CTTNBP2: variants seen among roughly 807,000 people sequenced by gnomAD.
The protein encoded by CTTNBP2 is cortactin-binding protein 2.
Under a neutral mutation model 156.9 loss-of-function variants are expected in CTTNBP2, and 108 were observed. The observed-to-expected ratio is 0.69, with a 90% CI of 0.59 to 0.81. The LOEUF is 0.81. CTTNBP2 is among the 30% of genes least tolerant of loss of function. CTTNBP2 has a pLI of 0.00. For missense variants in CTTNBP2, 1,924 were observed against 2,035.4 expected (o/e 0.95, Z 1.05); for synonymous variants, 767 against 751.8 (o/e 1.02, Z -0.33).
At chr7:117,769,385 G>A (rs1368993107) in intron 8 of CTTNBP2, among the ~76,000 whole-genome samples, 2 of 152,206 alleles carry the variant, frequency 1.3e-5, no homozygotes, top group East Asian at 3.8e-4. Flanking sequence ...TGGGCCTTGG[G>A]TTTCCTGAGT....
intron 1 of CTTNBP2, among the ~76,000 whole-genome samples, chr7:117,869,136 A>G (rs1011783113): frequency 1.3e-5 from 2 of 152,234 alleles, no homozygotes; most frequent in African/African-American, 4.8e-5. Context: ...TGGAAATTAA[A>G]CTTTTAAAAA....
chr7:117,764,837 C>A (rs566647615), intron 9 of CTTNBP2, among the ~76,000 whole-genome samples: 1 of 152,212 alleles, frequency 6.6e-6, no homozygotes, highest in East Asian at 1.9e-4. Context: ...AAGAGTACTT[C>A]TAGCTATGTG....
intron 2 of CTTNBP2, among the ~76,000 whole-genome samples, chr7:117,824,662 T>G (rs956446691): frequency 1.3e-5 from 2 of 152,220 alleles, no homozygotes; most frequent in Non-Finnish European, 2.9e-5. Flanking sequence ...GCTAGAAATT[T>G]GGAGCCTGGA....
chr7:117,754,731 G>A (rs905508039), intron 12 of CTTNBP2, among the ~76,000 whole-genome samples: 1 of 152,134 alleles, frequency 6.6e-6, no homozygotes, highest in East Asian at 1.9e-4. Flanking sequence ...AGTCTTTTAT[G>A]TACACTCACT....
At chr7:117,819,904 G>A (rs937987555) in intron 2 of CTTNBP2, among the ~76,000 whole-genome samples, 4 of 152,176 alleles carry the variant, frequency 2.6e-5, no homozygotes, top group Non-Finnish European at 5.9e-5. Flanking sequence ...CTAAAATCTG[G>A]AAGGCATACT....
chr7:117,747,065 G>A (rs929002529), intron 12 of CTTNBP2, among the ~76,000 whole-genome samples: 1 of 152,202 alleles, frequency 6.6e-6, no homozygotes, highest in African/African-American at 2.4e-5. Context: ...ATGCTTGGGA[G>A]AAGCTTTCTT....
At chr7:117,865,657 C>A (rs1804127972) in intron 1 of CTTNBP2, among the ~76,000 whole-genome samples, 1 of 108,830 alleles carries the variant, frequency 9.2e-6, no homozygotes, top group Non-Finnish European at 1.7e-5. Flanking sequence ...GGTGACAGAA[C>A]AAGACTCCAT....
intron 12 of CTTNBP2, among the ~76,000 whole-genome samples, chr7:117,746,878 C>T (rs918929520): frequency 1.3e-5 from 2 of 152,116 alleles, no homozygotes; most frequent in African/African-American, 4.8e-5. Flanking sequence ...ACTTTATCCT[C>T]GTGTATAAGG....
intron 1 of CTTNBP2, among the ~76,000 whole-genome samples, chr7:117,864,864 CAATA>C (rs1287869336): frequency 7.1e-6 from 1 of 140,010 alleles, no homozygotes; most frequent in East Asian, 2.1e-4. Flanking sequence ...TATATTCATT[CAATA>C]TATATTCATA....
At position 117,735,294 on chromosome 7, in the gene CTTNBP2, A is replaced by G; in HGVS notation, c.3663T>C (p.Thr1221=). ...CTTTTTGGAAAGTGCAGGGGCTTTC[A>G]GTGCTGCGATTTTCAAGAGGTGCCA... The part of the protein sequence containing the change: ...DFLAPLENRS[T]ESPCTFQKGN... Residue 1221 remains threonine (T), a synonymous_variant, in exon 15 of 23, where the codon ACT becomes ACC. Coordinates refer to ENST00000160373, the MANE Select transcript of CTTNBP2 (RefSeq NM_033427.3). 3 of 1,614,062 alleles carry G rather than the reference A, an allele frequency of 1.9e-6. No homozygotes were observed. Among genetic ancestry groups the G allele is most frequent in the Non-Finnish European group, 2.5e-6 (3 of 1,180,014 alleles).
At chr7:117,872,509 A>G (rs1239401507) in intron 1 of CTTNBP2, among the ~76,000 whole-genome samples, 1 of 147,144 alleles carries the variant, frequency 6.8e-6, no homozygotes, top group Non-Finnish European at 1.5e-5. Context: ...CCTTCCCCAA[A>G]GTAGAGGCTG....
intron 3 of CTTNBP2, among the ~76,000 whole-genome samples, chr7:117,798,464 C>T (rs1193201731): frequency 4.6e-5 from 7 of 151,940 alleles, no homozygotes; most frequent in African/African-American, 1.5e-4. Context: ...AAAAATAAAA[C>T]AATATATTGC....
rs555081257 is a variant in CTTNBP2, at chr7:117,835,137, T to C, written c.190-24148A>G. ...ACACATGAATGGATGCTCTCAACACTAAGCCTCCCACAGGGGACGGCTGAA... is the reference window on the plus strand; with the variant it reads ...ACACATGAATGGATGCTCTCAACACCAAGCCTCCCACAGGGGACGGCTGAA... On this transcript the variant is annotated intron_variant, in intron 2 of 22. Coordinates refer to ENST00000160373, the MANE Select transcript of CTTNBP2 (RefSeq NM_033427.3). 4.6e-5 allele frequency among the ~76,000 whole-genome samples: 7 copies of C among 152,356 alleles called. No individual in the cohort carries two copies. In the South Asian group the frequency reaches 1.4e-3, roughly 32 times the overall value.
chr7:117,846,043 G>T (rs570022582), intron 2 of CTTNBP2, among the ~76,000 whole-genome samples: 1 of 89,636 alleles, frequency 1.1e-5, no homozygotes, highest in Non-Finnish European at 2.4e-5. Flanking sequence ...AGTAGAGACA[G>T]GGTTTCACAG....
chr7:117,813,348 A>G (rs1390815543), intron 2 of CTTNBP2, among the ~76,000 whole-genome samples: 1 of 152,158 alleles, frequency 6.6e-6, no homozygotes, highest in Non-Finnish European at 1.5e-5. Context: ...AAGCATTTCA[A>G]TATGGCAACA....
intron 3 of CTTNBP2, among the ~76,000 whole-genome samples, chr7:117,803,809 G>A (rs1245720136): frequency 6.6e-6 from 1 of 151,996 alleles, no homozygotes; most frequent in Non-Finnish European, 1.5e-5. Flanking sequence ...GAAGAAATGG[G>A]TACCAAATGG....
intron 2 of CTTNBP2, among the ~76,000 whole-genome samples, chr7:117,833,980 T>G (rs138829985): frequency 6.6e-6 from 1 of 152,132 alleles, no homozygotes; most frequent in Admixed American, 6.6e-5. Flanking sequence ...AATATATACA[T>G]AGACAGACAA....
chr7:117,834,695 AAC>A lies in CTTNBP2; in HGVS notation c.190-23708_190-23707del, dbSNP rs1375554674. Reference sequence around the variant, plus strand: ...CTAATACTTTTAGTATTGATAAATGAACACACTTTACTTTTTAGTGCGAGTCA... The same window carrying A: ...CTAATACTTTTAGTATTGATAAATGAACACTTTACTTTTTAGTGCGAGTCA... On this transcript the variant is annotated intron_variant, in intron 2 of 22. Coordinates refer to ENST00000160373, the MANE Select transcript of CTTNBP2 (RefSeq NM_033427.3). 2.0e-5 allele frequency among the ~76,000 whole-genome samples: 3 copies of A among 152,262 alleles called. No homozygotes were observed. In the South Asian group the frequency reaches 6.2e-4, roughly 31 times the overall value.
At chr7:117,841,148 T>C (rs1802249856) in intron 2 of CTTNBP2, among the ~76,000 whole-genome samples, 1 of 152,242 alleles carries the variant, frequency 6.6e-6, no homozygotes, top group Non-Finnish European at 1.5e-5. Flanking sequence ...TAGCATTGTT[T>C]TGTAGTTCTG....
Sources: allele counts gnomAD v4.1 joint callset (sites outside exome capture counted in the v4.1 genomes callset), GRCh38; gene constraint gnomAD v4.1.1; transcripts MANE v1.5; gene names NCBI Gene and HGNC (gene_info 2026-07-23, HGNC 2026-07-21).